Variants in TENM3 observed in about 807,000 individuals in gnomAD.
TENM3 encodes the protein teneurin transmembrane protein 3, also known as teneurin-3.
Under a neutral mutation model 255.1 loss-of-function variants are expected in TENM3, and 63 were observed. The observed-to-expected ratio is 0.25, with a 90% CI of 0.20 to 0.30. The LOEUF (loss-of-function observed/expected upper bound fraction) is 0.30. Among genes scored for constraint, TENM3 ranks in the 10% least tolerant of loss-of-function variants. The pLI is 1.00. For missense variants in TENM3, 2,929 were observed against 3,461.1 expected (o/e 0.85, Z 3.86); for synonymous variants, 1,306 against 1,322.3 (o/e 0.99, Z 0.27).
intron 3 of TENM3, among the ~76,000 whole-genome samples, chr4:182,381,033 G>A (rs890483609): frequency 2.2e-4 from 34 of 152,180 alleles, no homozygotes; most frequent in Non-Finnish European, 4.1e-4. Flanking sequence ...TGACGCTGAC[G>A]GGCAGTCTTC....
chr4:181,798,215 G>A, the TENM3 span, among the ~76,000 whole-genome samples: 1 of 152,052 alleles, frequency 6.6e-6, no homozygotes. Flanking sequence ...TTTTACAAAC[G>A]AGGGAACTGA....
At chr4:181,570,876 C>T in the TENM3 span, among the ~76,000 whole-genome samples, 1 of 152,186 alleles carries the variant, frequency 6.6e-6, no homozygotes, top group Non-Finnish European at 1.5e-5. Context: ...GCGCTCAAGC[C>T]TCCGTGAAGT....
At chr4:182,446,694 AAGC>A (rs1561455243) in intron 3 of TENM3, among the ~76,000 whole-genome samples, 1 of 151,880 alleles carries the variant, frequency 6.6e-6, no homozygotes, top group Non-Finnish European at 1.5e-5. Flanking sequence ...TCCTGGGCTC[AAGC>A]AGTCTGCCTG....
chr4:182,211,518 T>G (rs1755039780), intron 1 of TENM3, among the ~76,000 whole-genome samples: 1 of 152,326 alleles, frequency 6.6e-6, no homozygotes, highest in South Asian at 2.1e-4. Context: ...GAAAAGAAAT[T>G]TGATGTGTAT....
chr4:181,962,322 G>A, the TENM3 span, among the ~76,000 whole-genome samples: 1 of 152,198 alleles, frequency 6.6e-6, no homozygotes, highest in Non-Finnish European at 1.5e-5. Context: ...AAATAGTTGA[G>A]TAAAGTACTT....
intron 3 of TENM3, among the ~76,000 whole-genome samples, chr4:182,488,888 G>A (rs1239769968): frequency 6.6e-6 from 1 of 152,096 alleles, no homozygotes; most frequent in Non-Finnish European, 1.5e-5. Flanking sequence ...GGAAGCGGAG[G>A]TAGCAAGGGG....
chr4:182,100,520 C>T, the TENM3 span, among the ~76,000 whole-genome samples: 7 of 140,536 alleles, frequency 5.0e-5, no homozygotes, highest in Non-Finnish European at 7.5e-5. Flanking sequence ...TATATACACA[C>T]ATATATATAC....
chr4:182,601,379 T>G (rs1440954727), intron 4 of TENM3, among the ~76,000 whole-genome samples: 2 of 152,178 alleles, frequency 1.3e-5, no homozygotes, highest in African/African-American at 4.8e-5. Context: ...CTACAAGAGA[T>G]GAGAATAAAT....
At chr4:182,049,295 C>T in the TENM3 span, among the ~76,000 whole-genome samples, 8 of 152,130 alleles carry the variant, frequency 5.3e-5, no homozygotes, top group African/African-American at 1.7e-4. Context: ...ATGAGGTGTG[C>T]AAAGAAAACC....
At chr4:182,081,646 T>TGCC in the TENM3 span, 1 of 147,936 alleles carries the variant, frequency 6.8e-6, no homozygotes, top group East Asian at 2.0e-4. Flanking sequence ...TCAAGGCCAA[T>TGCC]GCCAAGCACA....
chr4:182,193,606 C>A (rs1293848871), intron 1 of TENM3, among the ~76,000 whole-genome samples: 1 of 152,190 alleles, frequency 6.6e-6, no homozygotes, highest in Non-Finnish European at 1.5e-5. Flanking sequence ...ATCTGAGCAG[C>A]ATTTTCATCT....
the TENM3 span, among the ~76,000 whole-genome samples, chr4:182,030,542 T>C: frequency 4.6e-5 from 7 of 152,182 alleles, no homozygotes; most frequent in Non-Finnish European, 1.5e-5. Flanking sequence ...GCAGTGAACA[T>C]ACCTGTGCAT....
chr4:182,100,814 TATATACACATATATATATATATATACTC>T, the TENM3 span, among the ~76,000 whole-genome samples: 1 of 14,218 alleles, frequency 7.0e-5, no homozygotes, highest in Non-Finnish European at 1.3e-4. Context: ...TATACACATA[TATATACACATATATATATATATATACTC>T]ATATATATAT....
rs111990734 is a variant in TENM3 at position 182,599,410 on chromosome 4, T to C, written c.512-1514T>C. Among the ~76,000 whole-genome samples the C allele has an allele frequency of 9.4e-4, 143 of 152,316 alleles. 1 individual carries two copies. The highest frequency in any genetic ancestry group is 3.4e-3 in the Middle Eastern group (1 of 294). The stretch of plus-strand genomic sequence containing the variant: ...TTCAAGAAGACAGAGTTTCTATTTT[T>C]GAAGTTCCCCCATATCAGAAACTGC... On this transcript the variant is annotated intron_variant, in intron 3 of 27. Coordinates refer to ENST00000511685, the MANE Select transcript of TENM3 (RefSeq NM_001080477.4).
rs1292503961 is a variant in TENM3 at position 182,634,542 on chromosome 4, AACCTTTT to A, written c.988+5654_988+5660del. ...AGCTAAAATCCTGCTCTAATCCATTAACCTTTTGAGTTGCTGTGCCTTTACGCAACAA... is the reference window on the plus strand; with the variant it reads ...AGCTAAAATCCTGCTCTAATCCATTAGAGTTGCTGTGCCTTTACGCAACAA... On this transcript the variant is annotated intron_variant, in intron 5 of 27. Coordinates refer to ENST00000511685, the MANE Select transcript of TENM3 (RefSeq NM_001080477.4). Among the ~76,000 whole-genome samples, 3 of 152,216 alleles carry A rather than the reference AACCTTTT, an allele frequency of 2.0e-5. No individual in the cohort carries two copies. In the East Asian group the frequency reaches 5.8e-4, roughly 29 times the overall value.
chr4:182,158,115 A>C (rs1376710603), intron 1 of TENM3, among the ~76,000 whole-genome samples: 1 of 152,192 alleles, frequency 6.6e-6, no homozygotes, highest in East Asian at 1.9e-4. Context: ...ACTGTGAACT[A>C]AAGGGCACAC....
the TENM3 span, among the ~76,000 whole-genome samples, chr4:182,126,483 G>T: frequency 6.6e-6 from 1 of 152,082 alleles, no homozygotes; most frequent in Non-Finnish European, 1.5e-5. Flanking sequence ...CTCTGGCTTG[G>T]GCACAGATTT....
At chr4:182,659,143 T>C (rs1323695871) in intron 6 of TENM3, among the ~76,000 whole-genome samples, 2 of 152,184 alleles carry the variant, frequency 1.3e-5, no homozygotes, top group East Asian at 3.9e-4. Flanking sequence ...GGATGGAAGA[T>C]GCTGTTGTGG....
intron 3 of TENM3, among the ~76,000 whole-genome samples, chr4:182,542,042 G>A (rs891281897): frequency 2.6e-5 from 4 of 152,024 alleles, no homozygotes; most frequent in African/African-American, 4.8e-5. Context: ...CAGCCTGGGC[G>A]ACACAGACTC....
Sources: gnomAD v4.1 joint callset for allele counts (sites outside exome capture counted in the v4.1 genomes callset) on GRCh38, gnomAD v4.1.1 for gene constraint, MANE v1.5 for transcripts, NCBI Gene and HGNC (gene_info 2026-07-23, HGNC 2026-07-21) for gene names.